ANKRD55: variants seen among roughly 807,000 people sequenced by gnomAD.
ANKRD55 encodes the protein ankyrin repeat domain 55.
ANKRD55 carries 41 observed loss-of-function variants against 60.6 expected under a neutral mutation model. The ratio of observed to expected loss-of-function variants is 0.68; its 90% CI spans 0.53 to 0.88. ANKRD55 has a LOEUF of 0.88. Ranked by LOEUF, ANKRD55 falls within the 40% of genes least tolerant of loss-of-function variation. ANKRD55 has a pLI of 0.00. For synonymous variants in ANKRD55, 264 were observed against 290.3 expected (o/e 0.91, Z 0.92); for missense variants, 732 against 767.6 (o/e 0.95, Z 0.55).
In ANKRD55 at chr5:56,198,563, G is replaced by A. The variant is rs191897447; in HGVS notation, c.59-14929C>T. Reference sequence around the variant, plus strand: ...GCCTCCCAAAGTGCTGGGATTATAGGCGTGAGCCACCGCGCCTAGCCACAT... The same window carrying A: ...GCCTCCCAAAGTGCTGGGATTATAGACGTGAGCCACCGCGCCTAGCCACAT... On this transcript the variant is annotated intron_variant, in intron 2 of 11. Coordinates refer to ENST00000341048, the MANE Select transcript of ANKRD55 (RefSeq NM_024669.3). 2.6e-5 allele frequency among the ~76,000 whole-genome samples: 4 copies of A among 152,068 alleles called. No homozygotes were observed. The East Asian group carries it at 7.8e-4, about 30-fold the overall frequency.
chr5:56,187,038 A>AT (rs1758989078), intron 2 of ANKRD55, among the ~76,000 whole-genome samples: 1 of 152,270 alleles, frequency 6.6e-6, no homozygotes, highest in Non-Finnish European at 1.5e-5. Context: ...CACATTCATC[A>AT]CACTGTGGAC....
chr5:56,144,136 C>G (rs1366130317), intron 6 of ANKRD55, among the ~76,000 whole-genome samples: 5 of 152,118 alleles, frequency 3.3e-5, no homozygotes, highest in African/African-American at 1.2e-4. Flanking sequence ...GTTCAGGATA[C>G]AAAAGTTAAT....
intron 2 of ANKRD55, among the ~76,000 whole-genome samples, chr5:56,198,485 A>G (rs542287738): frequency 6.6e-6 from 1 of 151,768 alleles, no homozygotes; most frequent in Non-Finnish European, 1.5e-5. Flanking sequence ...GGGTTTCACC[A>G]TGTTGGTCAG....
intron 2 of ANKRD55, among the ~76,000 whole-genome samples, chr5:56,207,549 C>A (rs538979541): frequency 8.5e-5 from 13 of 152,296 alleles, no homozygotes; most frequent in Non-Finnish European, 5.9e-5. Flanking sequence ...CACACCCAGA[C>A]TACATGGTAC....
At chr5:56,149,705 T>C (rs1216016372) in intron 6 of ANKRD55, among the ~76,000 whole-genome samples, 2 of 152,176 alleles carry the variant, frequency 1.3e-5, no homozygotes, top group Non-Finnish European at 2.9e-5. Flanking sequence ...TATACAATTA[T>C]TCTACTCATT....
chr5:56,216,728 T>G (rs76071811), intron 2 of ANKRD55, among the ~76,000 whole-genome samples: 2,570 of 152,268 alleles, frequency 0.017, 55 homozygotes, highest in African/African-American at 0.058. Context: ...CCTAACTTTC[T>G]CCAAGTCCAT....
chr5:56,188,141 C>T (rs576224605), intron 2 of ANKRD55, among the ~76,000 whole-genome samples: 7 of 152,190 alleles, frequency 4.6e-5, no homozygotes, highest in Admixed American at 2.6e-4. Context: ...CCACTCAGCA[C>T]TAGCATTATC....
intron 10 of ANKRD55, 100 bp downstream of exon 10, chr5:56,111,018 G>T: frequency 7.3e-7 from 1 of 1,373,348 alleles, no homozygotes; most frequent in Non-Finnish European, 9.9e-7. Context: ...TTCTCACCCT[G>T]CCTTCTAGGC....
intron 9 of ANKRD55, 29 bp downstream of exon 9, chr5:56,116,586 G>C: frequency 6.9e-7 from 1 of 1,442,762 alleles, no homozygotes; most frequent in African/African-American, 1.5e-5. Context: ...GAGAAGAATA[G>C]AAAAATAACT....
intron 6 of ANKRD55, among the ~76,000 whole-genome samples, chr5:56,154,051 A>T (rs1225655954): frequency 6.8e-6 from 1 of 147,988 alleles, no homozygotes. Context: ...CTCTACTAAA[A>T]ATACAAAAAA....
chr5:56,205,728 C>A (rs896697945), intron 2 of ANKRD55, among the ~76,000 whole-genome samples: 4 of 152,096 alleles, frequency 2.6e-5, no homozygotes, highest in African/African-American at 9.7e-5. Flanking sequence ...TCTACTGTGC[C>A]CACTTATAAA....
chr5:56,130,603 G>A (rs1757383693), intron 7 of ANKRD55, among the ~76,000 whole-genome samples: 1 of 152,262 alleles, frequency 6.6e-6, no homozygotes, highest in African/African-American at 2.4e-5. Flanking sequence ...AAATTATAAA[G>A]CATGCCAAAA....
chr5:56,191,986 C>T (rs1759104815), intron 2 of ANKRD55, among the ~76,000 whole-genome samples: 1 of 152,176 alleles, frequency 6.6e-6, no homozygotes, highest in Non-Finnish European at 1.5e-5. Context: ...ACTGATGGTC[C>T]TAATGGAATC....
chr5:56,135,328 T>C (rs1392624152), intron 7 of ANKRD55, among the ~76,000 whole-genome samples: 1 of 16,760 alleles, frequency 6.0e-5, no homozygotes, highest in Admixed American at 4.8e-4. Flanking sequence ...TCTTTCTTTC[T>C]TTCTTTCTTT....
At chr5:56,219,376 C>G (rs548379779) in intron 2 of ANKRD55, among the ~76,000 whole-genome samples, 2 of 151,698 alleles carry the variant, frequency 1.3e-5, no homozygotes, top group Admixed American at 6.6e-5. Context: ...AATGGAAGTA[C>G]TTTCCACGTA....
At chr5:56,118,610 C>A (rs188281937) in intron 8 of ANKRD55, among the ~76,000 whole-genome samples, 1 of 150,116 alleles carries the variant, frequency 6.7e-6, no homozygotes, top group South Asian at 2.1e-4. Context: ...GGCAACAGAG[C>A]GAGACTCCAT....
intron 2 of ANKRD55, among the ~76,000 whole-genome samples, chr5:56,219,317 C>T (rs1409182921): frequency 1.3e-5 from 2 of 148,898 alleles, no homozygotes; most frequent in Non-Finnish European, 3.0e-5. Context: ...AATTTGAATA[C>T]TATTGAATAT....
intron 7 of ANKRD55, among the ~76,000 whole-genome samples, chr5:56,132,440 AAT>A (rs1270567510): frequency 6.6e-6 from 1 of 150,586 alleles, no homozygotes; most frequent in African/African-American, 2.4e-5. Flanking sequence ...AAAAAAAAAA[AAT>A]TAGCTGGGTG....
At chr5:56,197,229 T>C (rs1435579696) in intron 2 of ANKRD55, among the ~76,000 whole-genome samples, 3 of 152,152 alleles carry the variant, frequency 2.0e-5, no homozygotes, top group African/African-American at 7.2e-5. Flanking sequence ...TTGGCCAAAT[T>C]TGTAGCTTCT....
Sources: gnomAD v4.1 joint callset for allele counts (sites outside exome capture counted in the v4.1 genomes callset) on GRCh38, gnomAD v4.1.1 for gene constraint, MANE v1.5 for transcripts, NCBI Gene and HGNC (gene_info 2026-07-23, HGNC 2026-07-21) for gene names.